VPS13B: variants seen among roughly 807,000 people sequenced by gnomAD.
VPS13B encodes intermembrane lipid transfer protein VPS13B.
A neutral mutation model predicts 426.4 loss-of-function variants in VPS13B; 285 were observed. That is an observed-to-expected ratio of 0.67 (90% CI 0.61 to 0.74). The LOEUF (loss-of-function observed/expected upper bound fraction) is 0.74, where lower values mean the gene tolerates loss of function less well. VPS13B is among the 30% of genes least tolerant of loss of function. The pLI, the probability that VPS13B is intolerant of heterozygous loss-of-function variation, is 0.00. For synonymous variants in VPS13B, 1,676 were observed against 1,676.4 expected, an observed-to-expected ratio of 1.00 and a Z score of 0.01; for missense variants, 4,537 against 4,782.6, an observed-to-expected ratio of 0.95 and a Z score of 1.51.
intron 33 of VPS13B, among the ~76,000 whole-genome samples, chr8:99,622,753 T>C (rs1254521346): frequency 6.6e-6 from 1 of 152,214 alleles, no homozygotes. Context: ...TACAACACCC[T>C]TTTCCAGTTG....
At chr8:99,436,085 G>A (rs1458173081) in intron 22 of VPS13B, among the ~76,000 whole-genome samples, 2 of 152,114 alleles carry the variant, frequency 1.3e-5, no homozygotes, top group Non-Finnish European at 2.9e-5. Flanking sequence ...AATTATGTTA[G>A]TGATCAGAAA....
intron 8 of VPS13B, 68 bp from the exon 9 acceptor site, chr8:99,134,561 AATC>A: frequency 8.0e-7 from 1 of 1,253,734 alleles, no homozygotes; most frequent in Non-Finnish European, 1.1e-6. Flanking sequence ...TTAATCAATT[AATC>A]ATCATAATGA....
At chr8:99,527,640 T>C (rs1299339332) in intron 30 of VPS13B, among the ~76,000 whole-genome samples, 76 of 152,260 alleles carry the variant, frequency 5.0e-4, no homozygotes. Flanking sequence ...TGAGAAATTT[T>C]TCAGGTCCTT....
chr8:99,478,463 T>G (rs866743646), intron 24 of VPS13B, among the ~76,000 whole-genome samples: 9,684 of 112,508 alleles, frequency 0.086, 474 homozygotes, highest in African/African-American at 0.2. Context: ...TTTTTTTTTT[T>G]TTGTTTTTTG....
At chr8:99,083,303 A>G (rs1213436512) in intron 3 of VPS13B, among the ~76,000 whole-genome samples, 1 of 152,148 alleles carries the variant, frequency 6.6e-6, no homozygotes, top group East Asian at 1.9e-4. Flanking sequence ...TTGCACATTG[A>G]TTTTGTATCC....
At chr8:99,790,969 C>T (rs1326302479) in intron 43 of VPS13B, among the ~76,000 whole-genome samples, 1 of 152,144 alleles carries the variant, frequency 6.6e-6, no homozygotes, top group Non-Finnish European at 1.5e-5. Context: ...TTAATACCGT[C>T]TTGAGGCCAT....
intron 17 of VPS13B, among the ~76,000 whole-genome samples, chr8:99,253,586 C>A (rs575476016): frequency 1.3e-5 from 2 of 152,126 alleles, no homozygotes; most frequent in South Asian, 4.2e-4. Flanking sequence ...TCTACTTTTT[C>A]CACCCTTTCA....
At chr8:99,030,135 C>CTT (rs58542671) in intron 2 of VPS13B, among the ~76,000 whole-genome samples, 42,149 of 75,466 alleles carry the variant, frequency 0.56, 12,481 homozygotes, top group Middle Eastern at 0.65. Flanking sequence ...AAAATACATG[C>CTT]TTTTTTTTTT....
chr8:99,771,085 A>T (rs920856213), intron 40 of VPS13B, among the ~76,000 whole-genome samples: 3 of 152,196 alleles, frequency 2.0e-5, no homozygotes, highest in Admixed American at 2.0e-4. Context: ...TAATTCCAGA[A>T]ATACTTATTT....
intron 58 of VPS13B, among the ~76,000 whole-genome samples, chr8:99,863,770 C>T (rs1035624098): frequency 6.6e-6 from 1 of 152,146 alleles, no homozygotes; most frequent in Admixed American, 6.5e-5. Context: ...TATCCTTATC[C>T]ATGTGAGGGA....
intron 29 of VPS13B, among the ~76,000 whole-genome samples, chr8:99,514,299 T>C (rs965435035): frequency 2.6e-5 from 4 of 152,188 alleles, no homozygotes; most frequent in Non-Finnish European, 5.9e-5. Context: ...TGTGGTAAAA[T>C]ATATATAACA....
chr8:99,684,806 GT>G (rs1224382695), intron 35 of VPS13B, among the ~76,000 whole-genome samples: 2 of 152,050 alleles, frequency 1.3e-5, no homozygotes, highest in Admixed American at 1.3e-4. Context: ...TTTTTTGTTT[GT>G]TTGTTTTTTG....
Position 99,481,803 on chromosome 8 carries a change from G to T in VPS13B, c.3870+1G>T, listed in dbSNP as rs764225649. 8.7e-6 allele frequency: 14 copies of T among 1,613,538 alleles called. No homozygotes were observed. Among genetic ancestry groups the T allele is most frequent in the Non-Finnish European group, 1.2e-5 (14 of 1,179,712 alleles). On this transcript the variant is annotated splice_donor_variant, in intron 25 of 61. Coordinates refer to ENST00000357162, the MANE Select transcript of VPS13B (RefSeq NM_152564.5). LOFTEE classifies it high-confidence loss of function. ...TGCTGACATTGGGACTACTACTGAG[G>T]TAAGTGTTTTTGAAAATCCTGTTAC...
At chr8:99,874,576 G>GGT (rs1279770428) in intron 61 of VPS13B, among the ~76,000 whole-genome samples, 1 of 151,938 alleles carries the variant, frequency 6.6e-6, no homozygotes, top group Admixed American at 6.6e-5. Context: ...CGGAAAGTTT[G>GGT]GTGGCTACCT....
At chr8:99,020,648 T>C (rs1391690120) in intron 2 of VPS13B, among the ~76,000 whole-genome samples, 2 of 152,176 alleles carry the variant, frequency 1.3e-5, no homozygotes, top group Non-Finnish European at 2.9e-5. Flanking sequence ...CCTTTCTCTC[T>C]TTTTTTAAAA....
chr8:99,233,093 C>T (rs1394957712), intron 17 of VPS13B: 3 of 1,376,806 alleles, frequency 2.2e-6, no homozygotes, highest in South Asian at 2.3e-5. Context: ...TATTTCTACT[C>T]CTGCTGCTTC....
intron 39 of VPS13B, among the ~76,000 whole-genome samples, chr8:99,739,754 T>A (rs1425838112): frequency 6.6e-6 from 1 of 152,200 alleles, no homozygotes; most frequent in Non-Finnish European, 1.5e-5. Flanking sequence ...GACCTGCAGC[T>A]GAGGGTCCTG....
Position 99,115,884 on chromosome 8 carries a change from A to G in VPS13B, c.937+10A>G. The G allele has an allele frequency of 6.2e-7, 1 of 1,608,976 alleles. No homozygotes were observed. ...CTAGGAAACATTACAGGTAATGTAA[A>G]ACTTTATTAAACAAAAACTTTATTT... is the stretch of plus-strand genomic sequence containing the variant. On this transcript the variant is annotated intron_variant, in intron 7 of 61. Transcript: ENST00000357162.
chr8:99,166,547 A>G (rs1352697408), intron 15 of VPS13B, among the ~76,000 whole-genome samples: 2 of 152,228 alleles, frequency 1.3e-5, no homozygotes, highest in African/African-American at 4.8e-5. Context: ...CTTTTGCAAT[A>G]AGAACCACAA....
Sources: gnomAD v4.1 joint callset for allele counts (sites outside exome capture counted in the v4.1 genomes callset) on GRCh38, gnomAD v4.1.1 for gene constraint, MANE v1.5 for transcripts, NCBI Gene and HGNC (gene_info 2026-07-23, HGNC 2026-07-21) for gene names.